The following KASH5 variants were observed in gnomAD, a reference collection of about 807,000 sequenced individuals.
KASH5 encodes the protein protein KASH5.
KASH5 carries 72 observed loss-of-function variants against 84.2 expected under a neutral mutation model. The observed-to-expected ratio is 0.85, with a 90% CI of 0.71 to 1.04. The LOEUF (loss-of-function observed/expected upper bound fraction) is 1.04. Among genes scored for constraint, KASH5 ranks in the 50% least tolerant of loss-of-function variants. KASH5 has a pLI of 0.00. For synonymous variants in KASH5, 260 were observed against 279.1 expected (o/e 0.93, Z 0.68); for missense variants, 650 against 701.0 (o/e 0.93, Z 0.82).
chr19:49,392,860 G>A (rs1310131958), intron 2 of KASH5, among the ~76,000 whole-genome samples: 1 of 151,698 alleles, frequency 6.6e-6, no homozygotes, highest in Non-Finnish European at 1.5e-5. Context: ...TGCAGTGAGC[G>A]GAGATCACGC....
chr19:49,396,037 G>C (rs8102186), intron 5 of KASH5, among the ~76,000 whole-genome samples: 1 of 151,930 alleles, frequency 6.6e-6, no homozygotes, highest in Non-Finnish European at 1.5e-5. Context: ...TTTCCAACTC[G>C]TTCTCCTCAC....
chr19:49,397,343 G>A (rs548792405), intron 5 of KASH5, among the ~76,000 whole-genome samples: 4 of 152,278 alleles, frequency 2.6e-5, no homozygotes, highest in Admixed American at 6.5e-5. Flanking sequence ...CAGGGAGCAA[G>A]GGAGCCAGGT....
Position 49,399,168 on chromosome 19 carries a change from G to T in KASH5, c.747+26G>T. 1 of 1,522,494 alleles carries T rather than the reference G, an allele frequency of 6.6e-7. No homozygotes were observed. 94.3% of individuals were successfully genotyped at this position (1,522,494 alleles called of 1,614,324 possible). The stretch of plus-strand genomic sequence containing the variant: ...GTGGGTCTGGCCCAGGGGAAGGAAG[G>T]TGCCCTCTCTCTTCTTTGTTTCCTG... On this transcript the variant is annotated intron_variant, in intron 8 of 19. Transcript: ENST00000447857. This position sits in a 1 kb window ranked among gnomAD's most constrained non-coding sequence, Gnocchi z 4.4.
intron 9 of KASH5, among the ~76,000 whole-genome samples, chr19:49,402,398 A>C (rs12982856): frequency 7.8e-6 from 1 of 128,316 alleles, no homozygotes; most frequent in Non-Finnish European, 1.8e-5. Flanking sequence ...ACAAAAAAAA[A>C]CAAAAAAAGT....
In KASH5 at chr19:49,417,244, T is replaced by C. The variant is rs1974937980; in HGVS notation, c.1525T>C (p.Cys509Arg). Residue 509 changes from cysteine (C) to arginine (R), a missense_variant, in exon 19 of 20, where the codon TGC (cysteine) becomes CGC (arginine). Physicochemically the swap from Cys to Arg is radical, Grantham distance 180 (BLOSUM62 -3). Coordinates refer to ENST00000447857, the MANE Select transcript of KASH5 (RefSeq NM_144688.5). The surrounding 1 kb of genome is among the most constrained non-coding windows in gnomAD (Gnocchi z 5.2). ...CAGGAGGAGGGCCTGGGGCCAGCTCTGCCTGCCCCCACAGCGGCTCAGGTG... is the reference window on the plus strand; with the variant it reads ...CAGGAGGAGGGCCTGGGGCCAGCTCCGCCTGCCCCCACAGCGGCTCAGGTG... ...PVRRRAWGQLCLPPQRLRVTR... is the reference protein window; with the variant it reads ...PVRRRAWGQLRLPPQRLRVTR... 6.2e-7 allele frequency: 1 copy of C among 1,613,424 alleles called. No homozygotes were observed. Among genetic ancestry groups the C allele is most frequent in the African/African-American group, 1.3e-5 (1 of 74,928 alleles).
chr19:49,412,318 G>A lies in KASH5; in HGVS notation c.1270-650G>A, dbSNP rs1374670077. Among the ~76,000 whole-genome samples, 1 of 152,044 alleles carries A rather than the reference G, an allele frequency of 6.6e-6. No individual in the cohort carries two copies. The highest frequency in any genetic ancestry group is 1.5e-5 in the Non-Finnish European group (1 of 68,000). On this transcript the variant is annotated intron_variant, in intron 15 of 19. Transcript: ENST00000447857. This position sits in a 1 kb window ranked among gnomAD's most constrained non-coding sequence, Gnocchi z 4.6. ...CAGACAGACATAATTGGGGTGGAGG[G>A]ACAGAGCAGGGGTCAGACGGGATGT...
At chr19:49,389,218 T>G (rs2146832332) in intron 1 of KASH5, among the ~76,000 whole-genome samples, 2 of 81,892 alleles carry the variant, frequency 2.4e-5, no homozygotes, top group African/African-American at 5.1e-5. Flanking sequence ...AGAAATCCAA[T>G]CAGACCCCCG....
intron 15 of KASH5, among the ~76,000 whole-genome samples, chr19:49,410,936 T>A (rs1362608551): frequency 2.6e-5 from 4 of 150,976 alleles, no homozygotes; most frequent in Non-Finnish European, 3.0e-5. Context: ...TTTTTTTTAA[T>A]TAATTAATTT....
chr19:49,407,603 C>G lies in KASH5; in HGVS notation c.934-9C>G. On this transcript the variant is annotated splice_polypyrimidine_tract_variant and intron_variant, in intron 11 of 19. Coordinates refer to ENST00000447857, the MANE Select transcript of KASH5 (RefSeq NM_144688.5). ...GGTCCCAGTCTCATTTGGCTTTCGG[C>G]TTTCCTAGCGCACTCGCGATGTGGA... 1 of 1,586,360 alleles carries G rather than the reference C, an allele frequency of 6.3e-7. No individual in the cohort carries two copies. The highest frequency in any genetic ancestry group is 8.6e-7 in the Non-Finnish European group (1 of 1,166,686).
Position 49,395,136 on chromosome 19 carries a change from A to G in KASH5, c.179A>G (p.Tyr60Cys). The G allele has an allele frequency of 6.2e-7, 1 of 1,611,408 alleles. No homozygotes were observed. The highest frequency in any genetic ancestry group is 8.5e-7 in the Non-Finnish European group (1 of 1,179,234). ...GTVAVAQVLAYLEAVTGQGPQ... is the reference protein window; with the variant it reads ...GTVAVAQVLACLEAVTGQGPQ... Reference sequence around the variant, plus strand: ...GTGGCTGTGGCCCAGGTGCTGGCCTACCTGGAGGCTGTGACAGGCCAGGGC... The same window carrying G: ...GTGGCTGTGGCCCAGGTGCTGGCCTGCCTGGAGGCTGTGACAGGCCAGGGC... The change falls in exon 4 of 20, where the codon TAC (tyrosine) becomes TGC (cysteine). Residue 60 changes from tyrosine to cysteine, a missense_variant. Tyr to Cys is a radical substitution (Grantham distance 194, BLOSUM62 -2). Coordinates refer to ENST00000447857, the MANE Select transcript of KASH5 (RefSeq NM_144688.5). The surrounding 1 kb of genome is among the most constrained non-coding windows in gnomAD (Gnocchi z 4.4).
rs187811456 is a variant in KASH5 at position 49,406,797 on chromosome 19, A to T, written c.799-89A>T. The T allele has an allele frequency of 1.0e-4, 116 of 1,155,936 alleles. No individual in the cohort carries two copies. In the African/African-American group the frequency reaches 1.6e-3, roughly 16 times the overall value. 71.6% of individuals were successfully genotyped at this position (1,155,936 alleles called of 1,614,324 possible). A position where few individuals can be genotyped will look rare whatever the true frequency, so the allele number is the denominator to read the frequency against. ...AAGTGCTTAGCATGAGGCCTGATGT[A>T]TATCAATCAAGTGTTTAGCAAATAT... is the stretch of plus-strand genomic sequence containing the variant. On this transcript the variant is annotated intron_variant, in intron 9 of 19. Coordinates refer to ENST00000447857, the MANE Select transcript of KASH5 (RefSeq NM_144688.5).
At position 49,390,891 on chromosome 19, in the gene KASH5, T is replaced by C. The variant is rs747772709; in HGVS notation, c.8T>C (p.Leu3Pro). ...CCGCGGCAGGGGTGGCCCATGGACCTGCCCGAGGGCCCGGTGGGTGGCCCC... is the reference window on the plus strand; with the variant it reads ...CCGCGGCAGGGGTGGCCCATGGACCCGCCCGAGGGCCCGGTGGGTGGCCCC... MDLPEGPVGGPTA... is the reference protein window; with the variant it reads MDPPEGPVGGPTA... Residue 3 changes from leucine (L) to proline (P), a missense_variant, in exon 2 of 20, where the codon CTG (leucine) becomes CCG (proline). Transcript: ENST00000447857. The C allele has an allele frequency of 1.4e-5, 22 of 1,600,304 alleles. No homozygotes were observed. The highest frequency in any genetic ancestry group is 1.9e-5 in the Non-Finnish European group (22 of 1,174,800).
intron 9 of KASH5, among the ~76,000 whole-genome samples, chr19:49,401,786 T>G (rs1433185107): frequency 3.3e-5 from 5 of 152,224 alleles, no homozygotes; most frequent in Admixed American, 1.3e-4. Context: ...ACATGTGCAG[T>G]GTTTTTTACA....
chr19:49,399,533 C>G lies in KASH5; in HGVS notation c.798+26C>G. The stretch of plus-strand genomic sequence containing the variant: ...GTGAGCGGAGGCCCAGCACCACCCC[C>G]ACCCCTTCCCCAGTCCTTAAGGTCT... On this transcript the variant is annotated intron_variant, in intron 9 of 19. Transcript: ENST00000447857. This position sits in a 1 kb window ranked among gnomAD's most constrained non-coding sequence, Gnocchi z 4.4. 7 of 1,593,256 alleles carry G rather than the reference C, an allele frequency of 4.4e-6. No individual in the cohort carries two copies. Among genetic ancestry groups the G allele is most frequent in the Non-Finnish European group, 6.0e-6 (7 of 1,169,852 alleles).
At chr19:49,409,351 T>G in intron 14 of KASH5, 68 bp downstream of exon 14, 1 of 1,492,160 alleles carries the variant, frequency 6.7e-7, no homozygotes, top group South Asian at 1.2e-5. Context: ...CTCCCTACTC[T>G]GATCCTCACA....
At chr19:49,413,453 G>T (rs1405763921) in intron 16 of KASH5, among the ~76,000 whole-genome samples, 1 of 152,178 alleles carries the variant, frequency 6.6e-6, no homozygotes, top group African/African-American at 2.4e-5. Context: ...AGATGACTGG[G>T]CCCACCCTCC....
chr19:49,407,073 G>C (rs1030279534), intron 10 of KASH5, 110 bp downstream of exon 10: 1 of 1,318,104 alleles, frequency 7.6e-7, no homozygotes, highest in African/African-American at 1.5e-5. Flanking sequence ...CCATCAAGCT[G>C]TCAGGCTCCC....
In KASH5 at chr19:49,406,917, T is replaced by C; in HGVS notation, c.830T>C (p.Val277Ala). The C allele has an allele frequency of 2.5e-6, 4 of 1,605,084 alleles. No homozygotes were observed. The highest frequency in any genetic ancestry group is 3.4e-6 in the Non-Finnish European group (4 of 1,175,918). Residue 277 changes from valine to alanine, a missense_variant, in exon 10 of 20, where the codon GTG (valine) becomes GCG (alanine). Transcript: ENST00000447857. Reference sequence around the variant, plus strand: ...AAGCTGCTTGCCGAGCGGGATGGAGTGAAAAAGAGAAGTCAGGAGCTGGCC... The same window carrying C: ...AAGCTGCTTGCCGAGCGGGATGGAGCGAAAAAGAGAAGTCAGGAGCTGGCC... Reference protein sequence around the residue: ...NGKLLAERDGVKKRSQELAME... With the variant: ...NGKLLAERDGAKKRSQELAME...
At chr19:49,406,549 TTA>T (rs1974531911) in intron 9 of KASH5, among the ~76,000 whole-genome samples, 1 of 151,994 alleles carries the variant, frequency 6.6e-6, no homozygotes, top group African/African-American at 2.4e-5. Flanking sequence ...GCTAATTTTT[TTA>T]TTTTTAGTAG....
Sources: gnomAD v4.1 joint callset for allele counts (sites outside exome capture counted in the v4.1 genomes callset) on GRCh38, gnomAD v4.1.1 for gene constraint, Gnocchi (gnomAD v3.1) non-coding constraint, MANE v1.5 for transcripts, NCBI Gene and HGNC (gene_info 2026-07-23, HGNC 2026-07-21) for gene names.